RBFOX1: variants seen among roughly 807,000 people sequenced by gnomAD.
RBFOX1 encodes the protein RNA binding protein fox-1 homolog 1.
A neutral mutation model predicts 57.7 loss-of-function variants in RBFOX1; 8 were observed. That is an observed-to-expected ratio of 0.14 (90% confidence interval 0.08 to 0.25). The LOEUF (loss-of-function observed/expected upper bound fraction) is 0.25, where lower values mean the gene tolerates loss of function less well. Ranked by LOEUF, RBFOX1 falls within the 10% of genes least tolerant of loss-of-function variation. RBFOX1 has a pLI of 1.00. For synonymous variants in RBFOX1, 326 were observed against 222.4 expected (o/e 1.47, Z -4.15); for missense variants, 611 against 548.5 (o/e 1.11, Z -1.14).
intron 2 of RBFOX1, among the ~76,000 whole-genome samples, chr16:6,609,305 A>G (rs2098001278): frequency 1.3e-5 from 2 of 152,084 alleles, no homozygotes; most frequent in South Asian, 4.2e-4. Flanking sequence ...TGTTCTGTAG[A>G]TGGAGAGGTT....
chr16:6,995,906 A>G (rs1037764753), intron 3 of RBFOX1, among the ~76,000 whole-genome samples: 4 of 152,228 alleles, frequency 2.6e-5, no homozygotes, highest in East Asian at 1.9e-4. Flanking sequence ...CCATAAATTT[A>G]TTAGAAAGCA....
At chr16:5,485,419 C>G (rs543109308) in intron 2 of RBFOX1, among the ~76,000 whole-genome samples, 8 of 143,244 alleles carry the variant, frequency 5.6e-5, no homozygotes, top group Admixed American at 2.8e-4. Flanking sequence ...CAAGTGCATG[C>G]ATACCAAGAG....
intron 1 of RBFOX1, among the ~76,000 whole-genome samples, chr16:6,032,140 C>G (rs1842259709): frequency 6.6e-6 from 1 of 151,958 alleles, no homozygotes; most frequent in South Asian, 2.1e-4. Context: ...CCTCTTTTAT[C>G]CGTGCTTTCA....
chr16:6,191,852 C>G lies in RBFOX1; in HGVS notation c.-126-125143C>G, dbSNP rs1234911815. ...TTTTCAGAATTTTGCACTAGATTTCCTAACAGAAACCTCGTGATTTGAAGG... is the reference window on the plus strand; with the variant it reads ...TTTTCAGAATTTTGCACTAGATTTCGTAACAGAAACCTCGTGATTTGAAGG... On this transcript the variant is annotated intron_variant, in intron 1 of 15. Coordinates refer to ENST00000550418, the MANE Select transcript of RBFOX1 (RefSeq NM_018723.4). Among the ~76,000 whole-genome samples the G allele has an allele frequency of 2.6e-5, 4 of 152,090 alleles. 1 individual carries two copies. The South Asian group carries it at 6.2e-4, about 24-fold the overall frequency.
At chr16:6,345,114 G>C (rs1206438283) in intron 2 of RBFOX1, among the ~76,000 whole-genome samples, 1 of 152,208 alleles carries the variant, frequency 6.6e-6, no homozygotes, top group Non-Finnish European at 1.5e-5. Flanking sequence ...GCATTCTCCT[G>C]TTTGCCACTT....
chr16:6,380,810 A>G (rs2091736424), intron 2 of RBFOX1, among the ~76,000 whole-genome samples: 1 of 152,144 alleles, frequency 6.6e-6, no homozygotes, highest in Non-Finnish European at 1.5e-5. Context: ...ATTCCTCACC[A>G]GTTTGTGCTG....
intron 2 of RBFOX1, among the ~76,000 whole-genome samples, chr16:5,509,071 G>A (rs1157871149): frequency 6.6e-6 from 1 of 152,180 alleles, no homozygotes; most frequent in Non-Finnish European, 1.5e-5. Context: ...CTCAGGTGCT[G>A]GAAATATAAC....
At chr16:6,981,796 G>C (rs916696680) in intron 3 of RBFOX1, among the ~76,000 whole-genome samples, 1 of 152,158 alleles carries the variant, frequency 6.6e-6, no homozygotes, top group Non-Finnish European at 1.5e-5. Context: ...GGAATTGTCA[G>C]AGCTACCAGT....
At chr16:6,105,467 G>A (rs537025985) in intron 1 of RBFOX1, among the ~76,000 whole-genome samples, 2 of 151,910 alleles carry the variant, frequency 1.3e-5, no homozygotes, top group African/African-American at 2.4e-5. Context: ...TGCCATCTTA[G>A]CCTATTTAAG....
chr16:6,895,488 T>A (rs11647861), intron 3 of RBFOX1, among the ~76,000 whole-genome samples: 7,906 of 61,638 alleles, frequency 0.13, 520 homozygotes, highest in African/African-American at 0.28. Context: ...ATATATATAT[T>A]TATTCCCCTA....
chr16:6,386,043 C>T (rs929008333), intron 2 of RBFOX1, among the ~76,000 whole-genome samples: 27 of 151,806 alleles, frequency 1.8e-4, no homozygotes, highest in Non-Finnish European at 3.8e-4. Flanking sequence ...TCACACCATT[C>T]TCCTGCCTCA....
intron 3 of RBFOX1, among the ~76,000 whole-genome samples, chr16:6,754,521 C>T (rs2075469222): frequency 6.6e-6 from 1 of 152,094 alleles, no homozygotes; most frequent in Non-Finnish European, 1.5e-5. Context: ...TTCGGGTTCC[C>T]ACTGCTCCCT....
intron 13 of RBFOX1, among the ~76,000 whole-genome samples, chr16:7,674,439 C>T (rs1252301198): frequency 2.0e-5 from 3 of 152,190 alleles, no homozygotes; most frequent in African/African-American, 7.2e-5. Flanking sequence ...ATAGAACATT[C>T]ATCTCCAAGT....
chr16:6,927,972 T>A (rs2075905199), intron 3 of RBFOX1, among the ~76,000 whole-genome samples: 1 of 152,158 alleles, frequency 6.6e-6, no homozygotes, highest in South Asian at 2.1e-4. Flanking sequence ...CTCCGTAAAG[T>A]TTCCCATTGA....
At chr16:7,485,177 G>C (rs898009787) in intron 4 of RBFOX1, among the ~76,000 whole-genome samples, 5 of 152,036 alleles carry the variant, frequency 3.3e-5, no homozygotes, top group African/African-American at 7.2e-5. Context: ...TCAAGGGACA[G>C]GTGTGTTCAC....
intron 4 of RBFOX1, among the ~76,000 whole-genome samples, chr16:5,875,206 A>G (rs2057573429): frequency 6.6e-6 from 1 of 152,210 alleles, no homozygotes; most frequent in South Asian, 2.1e-4. Flanking sequence ...CTTTACAGCA[A>G]TCTTTGAAAT....
chr16:5,363,695 C>G (rs2065619110), intron 1 of RBFOX1, among the ~76,000 whole-genome samples: 2 of 152,156 alleles, frequency 1.3e-5, no homozygotes, highest in African/African-American at 4.8e-5. Flanking sequence ...AAATTATTTG[C>G]TTGTCTGTCT....
chr16:6,984,451 A>G (rs1051422065), intron 3 of RBFOX1, among the ~76,000 whole-genome samples: 5 of 152,102 alleles, frequency 3.3e-5, no homozygotes, highest in Non-Finnish European at 5.9e-5. Context: ...AAAACAATAT[A>G]TATCCCTATG....
chr16:7,100,032 C>T (rs902902788), intron 4 of RBFOX1, among the ~76,000 whole-genome samples: 7 of 151,100 alleles, frequency 4.6e-5, no homozygotes, highest in African/African-American at 1.2e-4. Flanking sequence ...TTGCCCTGGT[C>T]GAGGAGGGGG....
Sources: gnomAD v4.1 joint callset for allele counts (sites outside exome capture counted in the v4.1 genomes callset) on GRCh38, gnomAD v4.1.1 for gene constraint, MANE v1.5 for transcripts, NCBI Gene and HGNC (gene_info 2026-07-23, HGNC 2026-07-21) for gene names.